LRTM3: variants seen among roughly 807,000 people sequenced by gnomAD.
LRTM3 encodes leucine-rich repeat transmembrane protein 3.
chr13:102,747,468 A>T, the LRTM3 span: 3 of 1,540,948 alleles, frequency 1.9e-6, no homozygotes, highest in East Asian at 2.4e-5. Context: ...GTTTCTGATA[A>T]TTTTTTTTTA....
chr13:102,732,110 T>C, the LRTM3 span: 1 of 1,551,432 alleles, frequency 6.4e-7, no homozygotes, highest in Non-Finnish European at 8.7e-7. Flanking sequence ...AAAATTCTGT[T>C]CCCCTTTTAC....
chr13:102,739,970 G>A, the LRTM3 span: 42 of 1,550,260 alleles, frequency 2.7e-5, no homozygotes, highest in African/African-American at 4.9e-4. Context: ...CTTCCATTTC[G>A]AAGTTCTCCT....
chr13:102,745,775 G>A, the LRTM3 span: 1 of 1,551,114 alleles, frequency 6.4e-7, no homozygotes, highest in Admixed American at 2.0e-5. Context: ...ATCAACCTTT[G>A]CTTCCCCAGA....
chr13:102,734,763 A>G, the LRTM3 span: 3 of 1,551,174 alleles, frequency 1.9e-6, no homozygotes, highest in Non-Finnish European at 2.6e-6. Flanking sequence ...TCTAGTTGAG[A>G]TAGAGATGGC....
At chr13:102,757,111 AT>A in the LRTM3 span, among the ~76,000 whole-genome samples, 1 of 152,136 alleles carries the variant, frequency 6.6e-6, no homozygotes, top group Non-Finnish European at 1.5e-5. Flanking sequence ...TGGTCTGTCC[AT>A]TTGGACTTAT....
chr13:102,751,207 C>T, the LRTM3 span, among the ~76,000 whole-genome samples: 1 of 152,054 alleles, frequency 6.6e-6, no homozygotes, highest in African/African-American at 2.4e-5. Context: ...ATACCTCAAC[C>T]CCCTGACATA....
At chr13:102,746,542 G>C in the LRTM3 span, 2 of 1,550,950 alleles carry the variant, frequency 1.3e-6, no homozygotes, top group Middle Eastern at 1.7e-4. Flanking sequence ...ATTTCTTTCT[G>C]TGGCTTGTGA....
the LRTM3 span, chr13:102,741,056 G>A: frequency 6.5e-7 from 1 of 1,549,984 alleles, no homozygotes; most frequent in South Asian, 1.2e-5. Flanking sequence ...GATTTCTTCT[G>A]CTGAGCCTTC....
the LRTM3 span, chr13:102,734,778 A>C: frequency 1.0e-5 from 16 of 1,551,154 alleles, no homozygotes; most frequent in Non-Finnish European, 1.4e-5. Flanking sequence ...GATGGCAATG[A>C]AGTAGATTTG....
the LRTM3 span, chr13:102,741,578 A>G: frequency 6.4e-7 from 1 of 1,550,388 alleles, no homozygotes; most frequent in Non-Finnish European, 8.7e-7. Flanking sequence ...AAGAGGTTCC[A>G]TAATGGGGCA....
At chr13:102,730,063 C>T in the LRTM3 span, 3 of 1,551,166 alleles carry the variant, frequency 1.9e-6, no homozygotes, top group Non-Finnish European at 2.6e-6. Context: ...TATGACACAA[C>T]CAGTCAGGAG....
chr13:102,740,121 C>A, the LRTM3 span: 4 of 1,547,966 alleles, frequency 2.6e-6, no homozygotes, highest in Non-Finnish European at 3.5e-6. Flanking sequence ...TTTTCATTTG[C>A]CTTTTGTGTT....
At chr13:102,755,088 T>C in the LRTM3 span, among the ~76,000 whole-genome samples, 1 of 152,154 alleles carries the variant, frequency 6.6e-6, no homozygotes, top group Non-Finnish European at 1.5e-5. Context: ...CTTTGCTTAC[T>C]GAGACGATAC....
chr13:102,734,869 T>C, the LRTM3 span: 1 of 1,550,990 alleles, frequency 6.4e-7, no homozygotes, highest in Non-Finnish European at 8.7e-7. Flanking sequence ...TGCTTACTAT[T>C]TGCACGTCAT....
At chr13:102,729,476 G>A in the LRTM3 span, 1 of 1,455,514 alleles carries the variant, frequency 6.9e-7, no homozygotes, top group South Asian at 1.5e-5. Flanking sequence ...GGTAGTAAGG[G>A]ACCCCGAGAG....
chr13:102,732,492 C>A, the LRTM3 span: 1 of 1,551,004 alleles, frequency 6.4e-7, no homozygotes, highest in Non-Finnish European at 8.7e-7. Context: ...GAAAGAGGAA[C>A]ATATGAATAA....
the LRTM3 span, chr13:102,743,053 A>G: frequency 6.5e-7 from 1 of 1,550,188 alleles, no homozygotes; most frequent in Non-Finnish European, 8.7e-7. Context: ...CCAAAAGCAC[A>G]TCCTCTGATT....
At chr13:102,756,688 A>C in the LRTM3 span, among the ~76,000 whole-genome samples, 6 of 108,062 alleles carry the variant, frequency 5.6e-5, no homozygotes, top group South Asian at 3.1e-4. Flanking sequence ...AAAAAAAAAA[A>C]AAAAAAACAA....
chr13:102,755,426 T>TA, the LRTM3 span, among the ~76,000 whole-genome samples: 5 of 151,844 alleles, frequency 3.3e-5, no homozygotes, highest in African/African-American at 1.2e-4. Flanking sequence ...ATAGACTGGA[T>TA]AAAAAAAATG....
Sources: gnomAD v4.1 joint callset for allele counts (sites outside exome capture counted in the v4.1 genomes callset) on GRCh38, gnomAD v4.1.1 for gene constraint, MANE v1.5 for transcripts, NCBI Gene and HGNC (gene_info 2026-07-23, HGNC 2026-07-21) for gene names.